The following CCDC124 variants were observed in gnomAD, a reference collection of about 807,000 sequenced individuals.
CCDC124 encodes coiled-coil domain-containing protein 124.
Under a neutral mutation model 19.8 loss-of-function variants are expected in CCDC124, and 9 were observed. The ratio of observed to expected loss-of-function variants is 0.45; its 90% CI spans 0.27 to 0.79. The LOEUF (loss-of-function observed/expected upper bound fraction) is 0.79, where lower values mean the gene tolerates loss of function less well. Among genes scored for constraint, CCDC124 ranks in the 30% least tolerant of loss-of-function variants. The pLI is 0.14. For synonymous variants in CCDC124, 126 were observed against 131.3 expected, an observed-to-expected ratio of 0.96 and a Z score of 0.27; for missense variants, 285 against 319.0, an observed-to-expected ratio of 0.89 and a Z score of 0.81.
intron 2 of CCDC124, among the ~76,000 whole-genome samples, chr19:17,939,500 C>T (rs550039129): frequency 3.7e-4 from 56 of 152,300 alleles, no homozygotes; most frequent in African/African-American, 1.2e-3. Flanking sequence ...CTGTGGCCTG[C>T]GTCTTGGCCA....
chr19:17,943,808 G>C lies in CCDC124; in HGVS notation c.*93G>C. ...AGGTCAGCTGCGAGGGTCACAGAGC[G>C]TTCCGGGGGCCAAGGCGCCGGGCCC... On this transcript the variant is annotated 3_prime_UTR_variant, in exon 5 of 5. Coordinates refer to ENST00000445755, the MANE Select transcript of CCDC124 (RefSeq NM_001136203.2). The C allele has an allele frequency of 7.6e-7, 1 of 1,315,696 alleles. No homozygotes were observed. Among genetic ancestry groups the C allele is most frequent in the Non-Finnish European group, 1.1e-6 (1 of 943,890 alleles). 81.5% of individuals were successfully genotyped at this position (1,315,696 alleles called of 1,614,324 possible). A position where few individuals can be genotyped will look rare whatever the true frequency, so the allele number is the denominator to read the frequency against.
At position 17,943,819 on chromosome 19, in the gene CCDC124, CAA is replaced by C; in HGVS notation, c.*105_*106del. 8.4e-7 allele frequency: 1 copy of C among 1,195,922 alleles called. No homozygotes were observed. 74.1% of individuals were successfully genotyped at this position (1,195,922 alleles called of 1,614,324 possible). ...GAGGGTCACAGAGCGTTCCGGGGGC[CAA>C]GGCGCCGGGCCCCGGGGCCATGCTC... On this transcript the variant is annotated 3_prime_UTR_variant, in exon 5 of 5. Coordinates refer to ENST00000445755, the MANE Select transcript of CCDC124 (RefSeq NM_001136203.2).
intron 1 of CCDC124, among the ~76,000 whole-genome samples, chr19:17,935,944 G>A (rs889025132): frequency 2.6e-5 from 4 of 151,186 alleles, no homozygotes; most frequent in Non-Finnish European, 4.4e-5. Context: ...TCACTCTGTC[G>A]CCCAGGCTGG....
Position 17,943,276 on chromosome 19 carries a change from G to C in CCDC124, c.365G>C (p.Ser122Thr). Residue 122 changes from serine to threonine, a missense_variant, in exon 4 of 5, where the codon AGC becomes ACC. By Grantham distance (58) the Ser-to-Thr change is moderately conservative (BLOSUM62 1). Coordinates refer to ENST00000445755, the MANE Select transcript of CCDC124 (RefSeq NM_001136203.2). ...EAPDTAEKAK[S>T]HLEVPLEENV... ...ACCCGCCCAGCCGAGAAAGCCAAGA[G>C]CCATCTGGAGGTGCCGCTGGAGGAG... 1 of 1,081,164 alleles carries C rather than the reference G, an allele frequency of 9.2e-7. No homozygotes were observed. The highest frequency in any genetic ancestry group is 1.2e-6 in the Non-Finnish European group (1 of 806,624). 67.0% of individuals were successfully genotyped at this position (1,081,164 alleles called of 1,614,324 possible).
chr19:17,936,608 G>T (rs757784335), intron 2 of CCDC124, 29 bp downstream of exon 2: 1 of 1,595,494 alleles, frequency 6.3e-7, no homozygotes, highest in Non-Finnish European at 8.5e-7. Context: ...CCCGCGGCCC[G>T]CATGCCTTGT....
At chr19:17,940,760 A>C (rs2031161805) in intron 2 of CCDC124, among the ~76,000 whole-genome samples, 1 of 150,266 alleles carries the variant, frequency 6.7e-6, no homozygotes, top group Admixed American at 6.7e-5. Context: ...AAAAAAAAAA[A>C]AAAAGGGCCG....
At chr19:17,939,927 T>C (rs1270780751) in intron 2 of CCDC124, among the ~76,000 whole-genome samples, 2 of 132,790 alleles carry the variant, frequency 1.5e-5, no homozygotes, top group Non-Finnish European at 3.2e-5. Flanking sequence ...CTGGCCTTTT[T>C]TTTTTTTTTT....
At chr19:17,938,903 T>G (rs2031116995) in intron 2 of CCDC124, among the ~76,000 whole-genome samples, 1 of 152,090 alleles carries the variant, frequency 6.6e-6, no homozygotes, top group Non-Finnish European at 1.5e-5. Flanking sequence ...GGCCTCCCAT[T>G]GTCTTTCTGT....
At chr19:17,943,138 C>T (rs1229415881) in intron 3 of CCDC124, 123 bp from the exon 4 acceptor site, 4 of 850,186 alleles carry the variant, frequency 4.7e-6, no homozygotes, top group Non-Finnish European at 7.5e-6. Context: ...CGATTCCATC[C>T]CCCCTCATCT....
intron 1 of CCDC124, among the ~76,000 whole-genome samples, chr19:17,933,479 C>T (rs527764715): frequency 2.8e-4 from 42 of 152,300 alleles, no homozygotes; most frequent in African/African-American, 9.6e-4. Flanking sequence ...TGATTCGCTT[C>T]TAAGTGTGCC....
At chr19:17,940,813 C>T (rs528695736) in intron 2 of CCDC124, among the ~76,000 whole-genome samples, 9 of 150,152 alleles carry the variant, frequency 6.0e-5, no homozygotes, top group South Asian at 2.1e-4. Context: ...TTTGGGAGGC[C>T]GAGGTGGGCA....
chr19:17,942,918 C>T lies in CCDC124; in HGVS notation c.349+73C>T. The stretch of plus-strand genomic sequence containing the variant: ...GCAGTGGACCTTGAGTCCATTAGCC[C>T]CCTCCTGGCCCCCAGAGAAGCTGCC... On this transcript the variant is annotated intron_variant, in intron 3 of 4. Transcript: ENST00000445755. This position sits in a 1 kb window ranked among gnomAD's most constrained non-coding sequence, Gnocchi z 4.2. The T allele has an allele frequency of 2.1e-6, 3 of 1,437,852 alleles. No homozygotes were observed. The South Asian group carries it at 4.4e-5, about 21-fold the overall frequency. The allele number at this position is 1,437,852 out of a possible 1,614,324, so 89.1% of individuals were successfully genotyped here. A position where few individuals can be genotyped will look rare whatever the true frequency, so the allele number is the denominator to read the frequency against.
At chr19:17,943,457 T>C in intron 4 of CCDC124, 51 bp from the exon 5 acceptor site, 1 of 1,585,986 alleles carries the variant, frequency 6.3e-7, no homozygotes, top group African/African-American at 1.3e-5. Context: ...GGCCGGGCTT[T>C]TCGGGGCAAG....
In CCDC124 at chr19:17,936,395, A is replaced by G. The variant is rs2031062967; in HGVS notation, c.-11-15A>G. 4 of 1,597,526 alleles carry G rather than the reference A, an allele frequency of 2.5e-6. No individual in the cohort carries two copies. The highest frequency in any genetic ancestry group is 1.1e-5 in the South Asian group (1 of 89,998). On this transcript the variant is annotated splice_polypyrimidine_tract_variant and intron_variant, in intron 1 of 4. Transcript: ENST00000445755. Reference sequence around the variant, plus strand: ...CTCCGGCCCCTGCTCCCCCATCCCCATCCTCTTCCCGCAGCCTGCTGAGGG... The same window carrying G: ...CTCCGGCCCCTGCTCCCCCATCCCCGTCCTCTTCCCGCAGCCTGCTGAGGG...
Position 17,936,400 on chromosome 19 carries a change from C to T in CCDC124, c.-11-10C>T. On this transcript the variant is annotated splice_polypyrimidine_tract_variant and intron_variant, in intron 1 of 4. Coordinates refer to ENST00000445755, the MANE Select transcript of CCDC124 (RefSeq NM_001136203.2). ...GCCCCTGCTCCCCCATCCCCATCCT[C>T]TTCCCGCAGCCTGCTGAGGGATGCC... 6.2e-7 allele frequency: 1 copy of T among 1,601,876 alleles called. No individual in the cohort carries two copies. Among genetic ancestry groups the T allele is most frequent in the Non-Finnish European group, 8.5e-7 (1 of 1,171,520 alleles).
In CCDC124 at chr19:17,943,984, C is replaced by T. The variant is rs1345095826; in HGVS notation, c.*269C>T. 9.4e-6 allele frequency: 5 copies of T among 533,316 alleles called. No individual in the cohort carries two copies. The highest frequency in any genetic ancestry group is 5.7e-5 in the African/African-American group (3 of 52,766). The allele number at this position is 533,316 out of a possible 1,614,324, so 33.0% of individuals were successfully genotyped here. A position where few individuals can be genotyped will look rare whatever the true frequency, so the allele number is the denominator to read the frequency against. ...AGGTGGCGGCAAGGCTGCGGTGAGG[C>T]ACTTGAAGCCTAAGTGAGTGGGTGG... On this transcript the variant is annotated 3_prime_UTR_variant, in exon 5 of 5. Transcript: ENST00000445755.
At chr19:17,934,175 T>G (rs1016232350) in intron 1 of CCDC124, among the ~76,000 whole-genome samples, 1 of 151,298 alleles carries the variant, frequency 6.6e-6, no homozygotes, top group African/African-American at 2.4e-5. Context: ...AATACAAAAA[T>G]CAGATAGGCA....
chr19:17,934,115 A>G (rs1246806703), intron 1 of CCDC124, among the ~76,000 whole-genome samples: 3 of 151,752 alleles, frequency 2.0e-5, no homozygotes, highest in African/African-American at 7.3e-5. Context: ...CTTGAGGTCA[A>G]GAGTTTGAGA....
rs12978932 is a variant in CCDC124, at chr19:17,942,685, G to C, written c.189G>C (p.Gln63His). Residue 63 changes from glutamine to histidine, a missense_variant, in exon 3 of 5, where the codon CAG becomes CAC. Transcript: ENST00000445755. This position sits in a 1 kb window ranked among gnomAD's most constrained non-coding sequence, Gnocchi z 4.2. ...KEEKEKRRLD[Q>H]LERKKETQRL... Reference sequence around the variant, plus strand: ...AGAAGGAGAAGCGGCGCCTCGACCAGCTGGAACGTAAGAAGGAGACGCAGC... The same window carrying C: ...AGAAGGAGAAGCGGCGCCTCGACCACCTGGAACGTAAGAAGGAGACGCAGC... 1 of 1,556,630 alleles carries C rather than the reference G, an allele frequency of 6.4e-7. No homozygotes were observed. Among genetic ancestry groups the C allele is most frequent in the East Asian group, 2.4e-5 (1 of 42,332 alleles).
Sources: gnomAD v4.1 joint callset for allele counts (sites outside exome capture counted in the v4.1 genomes callset) on GRCh38, gnomAD v4.1.1 for gene constraint, Gnocchi (gnomAD v3.1) non-coding constraint, MANE v1.5 for transcripts, NCBI Gene and HGNC (gene_info 2026-07-23, HGNC 2026-07-21) for gene names.